The following PCDH7 variants were observed in gnomAD, a reference collection of about 807,000 sequenced individuals.
PCDH7 encodes the protein protocadherin-7.
In PCDH7, 17 loss-of-function variants were observed where a neutral mutation model predicts 58.9. The observed-to-expected ratio is 0.29, with a 90% CI of 0.20 to 0.43. The LOEUF (loss-of-function observed/expected upper bound fraction) is 0.43. Among genes scored for constraint, PCDH7 ranks in the 20% least tolerant of loss-of-function variants. The pLI, the probability that PCDH7 is intolerant of heterozygous loss-of-function variation, is 1.00. For synonymous variants in PCDH7, 664 were observed against 616.4 expected (o/e 1.08, Z -1.14); for missense variants, 1,274 against 1,441.0 (o/e 0.88, Z 1.88).
chr4:30,745,449 C>T (rs896931660), intron 1 of PCDH7, among the ~76,000 whole-genome samples: 1 of 151,934 alleles, frequency 6.6e-6, no homozygotes, highest in Non-Finnish European at 1.5e-5. Context: ...TTCAGATAAT[C>T]CTGCTTAAGT....
At chr4:30,959,400 A>C (rs1009797996) in intron 3 of PCDH7, among the ~76,000 whole-genome samples, 3 of 152,180 alleles carry the variant, frequency 2.0e-5, no homozygotes, top group Non-Finnish European at 4.4e-5. Flanking sequence ...TCAGAGATAC[A>C]TATTATCTTG....
rs187266929 is a variant in PCDH7 at position 30,928,222 on chromosome 4, G to A, written c.287+7853G>A. 1.5e-4 allele frequency among the ~76,000 whole-genome samples: 23 copies of A among 152,282 alleles called. 1 individual carries two copies. The highest frequency in any genetic ancestry group is 8.3e-4 in the South Asian group (4 of 4,830). On this transcript the variant is annotated intron_variant, in intron 2 of 3. Transcript: ENST00000509759. ...TCATAGACATGAGCCACCCTGCCCA[G>A]CAAGTTAGTACTCTCAACCTCAGAG...
At chr4:31,050,417 AT>A (rs1756638881) in intron 3 of PCDH7, among the ~76,000 whole-genome samples, 1 of 152,152 alleles carries the variant, frequency 6.6e-6, no homozygotes, top group African/African-American at 2.4e-5. Flanking sequence ...TGACAGTTAC[AT>A]TGGCTCAGAA....
chr4:31,074,803 A>AAC (rs1300115403), intron 3 of PCDH7, among the ~76,000 whole-genome samples: 3 of 150,870 alleles, frequency 2.0e-5, no homozygotes, highest in Non-Finnish European at 4.4e-5. Context: ...AAAAAAAAAA[A>AAC]AAAAGCTGTA....
At chr4:30,981,779 T>C (rs1447464333) in intron 3 of PCDH7, among the ~76,000 whole-genome samples, 1 of 152,228 alleles carries the variant, frequency 6.6e-6, no homozygotes, top group Non-Finnish European at 1.5e-5. Context: ...ATGCTTTGTG[T>C]TGTATATCAC....
intron 1 of PCDH7, among the ~76,000 whole-genome samples, chr4:30,882,830 T>C (rs1443100870): frequency 6.6e-6 from 1 of 152,228 alleles, no homozygotes; most frequent in Non-Finnish European, 1.5e-5. Context: ...ATGCTTCTTA[T>C]ACTTCCCAAT....
intron 3 of PCDH7, among the ~76,000 whole-genome samples, chr4:31,000,884 A>C (rs1752310008): frequency 6.6e-6 from 1 of 152,116 alleles, no homozygotes; most frequent in South Asian, 2.1e-4. Context: ...AGTGTAAACT[A>C]TTCTTTATGC....
chr4:31,109,983 G>C (rs1042387618), intron 3 of PCDH7, among the ~76,000 whole-genome samples: 1 of 152,186 alleles, frequency 6.6e-6, no homozygotes, highest in South Asian at 2.1e-4. Flanking sequence ...GTTCATGAAT[G>C]CTCAATATTA....
At chr4:30,993,390 G>C (rs893866679) in intron 3 of PCDH7, among the ~76,000 whole-genome samples, 3 of 152,090 alleles carry the variant, frequency 2.0e-5, no homozygotes, top group Admixed American at 2.0e-4. Context: ...TGCTCCATAC[G>C]TCTAATGAAA....
chr4:30,816,482 T>C (rs1475565463), intron 1 of PCDH7, among the ~76,000 whole-genome samples: 4 of 152,196 alleles, frequency 2.6e-5, no homozygotes, highest in African/African-American at 9.6e-5. Context: ...CCTTTAATTA[T>C]GTTGTATCTT....
At chr4:30,945,857 C>T (rs932960182) in intron 2 of PCDH7, among the ~76,000 whole-genome samples, 2 of 152,080 alleles carry the variant, frequency 1.3e-5, no homozygotes, top group Non-Finnish European at 2.9e-5. Flanking sequence ...ATCTTAATTC[C>T]ATCGGGCCAC....
intron 1 of PCDH7, among the ~76,000 whole-genome samples, chr4:30,918,444 T>C (rs1742766108): frequency 6.6e-6 from 1 of 152,086 alleles, no homozygotes; most frequent in Non-Finnish European, 1.5e-5. Flanking sequence ...TACATTTCTT[T>C]ATTTTTTTTA....
chr4:31,051,725 G>A (rs1299554602), intron 3 of PCDH7, among the ~76,000 whole-genome samples: 9 of 151,726 alleles, frequency 5.9e-5, no homozygotes, highest in African/African-American at 1.9e-4. Flanking sequence ...TAGCAGTCTC[G>A]AGTTGCTAAC....
At chr4:30,784,967 C>T (rs922200288) in intron 1 of PCDH7, among the ~76,000 whole-genome samples, 1 of 151,922 alleles carries the variant, frequency 6.6e-6, no homozygotes, top group African/African-American at 2.4e-5. Context: ...TATGATTTCC[C>T]TAATTGGTTA....
At chr4:31,048,594 T>G (rs1578653927) in intron 3 of PCDH7, among the ~76,000 whole-genome samples, 1 of 152,192 alleles carries the variant, frequency 6.6e-6, no homozygotes. Context: ...CTCACTGAAT[T>G]TATATGGGAT....
At chr4:30,737,432 C>T (rs1716456387), downstream of PCDH7, among the ~76,000 whole-genome samples, 1 of 152,104 alleles carries the variant, frequency 6.6e-6, no homozygotes, top group African/African-American at 2.4e-5. Flanking sequence ...GTGGGAGGAT[C>T]GCTTGAGCCC....
intron 1 of PCDH7, among the ~76,000 whole-genome samples, chr4:30,890,550 T>C (rs1362289193): frequency 6.6e-6 from 1 of 151,922 alleles, no homozygotes; most frequent in Non-Finnish European, 1.5e-5. Flanking sequence ...AGCCCAAATA[T>C]ATGATCATCT....
chr4:30,854,613 G>A (rs1385879307), intron 1 of PCDH7, among the ~76,000 whole-genome samples: 1 of 151,980 alleles, frequency 6.6e-6, no homozygotes, highest in Non-Finnish European at 1.5e-5. Context: ...GTCCTCGAGG[G>A]ATGGTCTTTG....
At chr4:30,810,132 C>G (rs2109312799) in intron 1 of PCDH7, among the ~76,000 whole-genome samples, 1 of 152,250 alleles carries the variant, frequency 6.6e-6, no homozygotes, top group East Asian at 1.9e-4. Flanking sequence ...AAACCTGAAT[C>G]AGGATTAGAA....
Sources: gnomAD v4.1 joint callset for allele counts (sites outside exome capture counted in the v4.1 genomes callset) on GRCh38, gnomAD v4.1.1 for gene constraint, MANE v1.5 for transcripts, NCBI Gene and HGNC (gene_info 2026-07-23, HGNC 2026-07-21) for gene names.